The following RELN variants were observed in gnomAD, a reference collection of about 807,000 sequenced individuals.
The protein encoded by RELN is reelin.
RELN carries 108 observed loss-of-function variants against 427.6 expected under a neutral mutation model. The observed-to-expected ratio is 0.25, with a 90% CI of 0.22 to 0.30. RELN has a LOEUF of 0.30. Ranked by LOEUF, RELN falls within the 10% of genes least tolerant of loss-of-function variation. The probability of loss-of-function intolerance (pLI) is 1.00; values close to 1 mark genes in which losing one functional copy is unlikely to be tolerated. For missense variants in RELN, 3,715 were observed against 4,302.8 expected (o/e 0.86, Z 3.82); for synonymous variants, 1,524 against 1,513.4 (o/e 1.01, Z -0.16).
intron 37 of RELN, 148 bp from the exon 38 acceptor site, chr7:103,557,307 AG>A (rs1014260535): frequency 7.1e-5 from 50 of 708,296 alleles, no homozygotes; most frequent in Non-Finnish European, 1.2e-4. Context: ...AAGCAACTTA[AG>A]GGGATGACAG....
intron 5 of RELN, among the ~76,000 whole-genome samples, chr7:103,752,115 C>G (rs144631029): frequency 7.4e-4 from 112 of 152,208 alleles, no homozygotes; most frequent in Non-Finnish European, 1.3e-3. Flanking sequence ...TATTATTTAC[C>G]ATACACTTTA....
chr7:103,804,041 C>T (rs1255449288), intron 3 of RELN, among the ~76,000 whole-genome samples: 1 of 152,084 alleles, frequency 6.6e-6, no homozygotes, highest in Non-Finnish European at 1.5e-5. Context: ...TAATTAGCTT[C>T]ACCTTCAGTA....
intron 64 of RELN, among the ~76,000 whole-genome samples, chr7:103,478,146 G>A (rs1828100367): frequency 6.6e-6 from 1 of 152,042 alleles, no homozygotes; most frequent in Admixed American, 6.6e-5. Context: ...CTAGCACTCT[G>A]GTCTATGCTG....
chr7:103,574,682 T>C (rs967038424), intron 29 of RELN, among the ~76,000 whole-genome samples: 2 of 152,200 alleles, frequency 1.3e-5, no homozygotes, highest in African/African-American at 4.8e-5. Flanking sequence ...TTAAAAAAAA[T>C]CCTTGAAACT....
At chr7:103,635,627 T>C in intron 18 of RELN, 41 bp from the exon 19 acceptor site, 1 of 1,537,286 alleles carries the variant, frequency 6.5e-7, no homozygotes, top group Non-Finnish European at 9.0e-7. Flanking sequence ...GCATAAACAT[T>C]TTTAATCATA....
At chr7:103,517,179 T>G (rs866520316) in intron 49 of RELN, among the ~76,000 whole-genome samples, 6 of 137,784 alleles carry the variant, frequency 4.4e-5, no homozygotes, top group South Asian at 5.9e-4. Context: ...CCCTGCACCT[T>G]TTTTTTTTTT....
chr7:103,980,907 C>G (rs181617653), intron 1 of RELN, among the ~76,000 whole-genome samples: 4 of 152,216 alleles, frequency 2.6e-5, no homozygotes, highest in Admixed American at 6.5e-5. Flanking sequence ...ATCACACACA[C>G]TGGACATATA....
intron 4 of RELN, among the ~76,000 whole-genome samples, chr7:103,773,426 CCTCT>C (rs60313039): frequency 0.5 from 23,022 of 45,724 alleles, 7,122 homozygotes; most frequent in African/African-American, 0.65. Flanking sequence ...TCCCTCGCTC[CCTCT>C]CTCTCTCTCT....
At chr7:103,952,141 T>C (rs1453847889) in intron 1 of RELN, among the ~76,000 whole-genome samples, 2 of 152,242 alleles carry the variant, frequency 1.3e-5, no homozygotes, top group Non-Finnish European at 2.9e-5. Context: ...TATTGCTTTT[T>C]AGAGCTTATT....
At chr7:103,570,049 T>C (rs1229329429) in intron 31 of RELN, among the ~76,000 whole-genome samples, 2 of 152,248 alleles carry the variant, frequency 1.3e-5, no homozygotes, top group Admixed American at 6.5e-5. Context: ...GATTTACATT[T>C]TAACAACCAG....
At chr7:103,625,358 C>A (rs903020925) in intron 20 of RELN, among the ~76,000 whole-genome samples, 2 of 152,228 alleles carry the variant, frequency 1.3e-5, no homozygotes, top group Non-Finnish European at 2.9e-5. Flanking sequence ...AACCTTCTCC[C>A]TCAACCAAAT....
intron 11 of RELN, among the ~76,000 whole-genome samples, chr7:103,664,598 C>T (rs1166961901): frequency 6.6e-6 from 1 of 152,172 alleles, no homozygotes; most frequent in South Asian, 2.1e-4. Context: ...TATGTTTCCA[C>T]CAGGAGGGTA....
chr7:103,733,265 G>A (rs1044062606), intron 6 of RELN, among the ~76,000 whole-genome samples: 1 of 151,310 alleles, frequency 6.6e-6, no homozygotes, highest in Non-Finnish European at 1.5e-5. Flanking sequence ...AGTTAGAATG[G>A]CAATCATTAA....
intron 8 of RELN, among the ~76,000 whole-genome samples, chr7:103,714,710 AG>A (rs1340542924): frequency 6.6e-6 from 1 of 152,218 alleles, no homozygotes; most frequent in Admixed American, 6.5e-5. Flanking sequence ...GAAGCAGAGC[AG>A]GAAAAAATGG....
At chr7:103,878,765 T>G (rs1794541829) in intron 2 of RELN, among the ~76,000 whole-genome samples, 1 of 152,228 alleles carries the variant, frequency 6.6e-6, no homozygotes, top group Non-Finnish European at 1.5e-5. Context: ...TGTCTTCAAG[T>G]AGATTCCCAA....
intron 30 of RELN, among the ~76,000 whole-genome samples, chr7:103,572,908 T>C (rs1830916128): frequency 6.6e-6 from 1 of 151,942 alleles, no homozygotes. Context: ...GCAGGTTTGT[T>C]ACATAGGTAT....
At chr7:103,804,177 T>C (rs936233217) in intron 3 of RELN, among the ~76,000 whole-genome samples, 5 of 152,126 alleles carry the variant, frequency 3.3e-5, no homozygotes, top group African/African-American at 1.2e-4. Flanking sequence ...TGCATTTGTT[T>C]ATGGAAAATT....
chr7:103,614,380 T>C (rs926552892), intron 20 of RELN, among the ~76,000 whole-genome samples: 39 of 152,124 alleles, frequency 2.6e-4, no homozygotes, highest in African/African-American at 9.2e-4. Context: ...TTCTCACCAA[T>C]GAGATATAAG....
intron 20 of RELN, among the ~76,000 whole-genome samples, chr7:103,618,204 A>G (rs1167087851): frequency 6.6e-6 from 1 of 152,278 alleles, no homozygotes; most frequent in Non-Finnish European, 1.5e-5. Context: ...CTAGAGCAGA[A>G]AATTAAAATA....
Sources: gnomAD v4.1 joint callset for allele counts (sites outside exome capture counted in the v4.1 genomes callset) on GRCh38, gnomAD v4.1.1 for gene constraint, MANE v1.5 for transcripts, NCBI Gene and HGNC (gene_info 2026-07-23, HGNC 2026-07-21) for gene names.